Variants in PELI2 observed in about 807,000 individuals in gnomAD.
The protein encoded by PELI2 is E3 ubiquitin-protein ligase pellino homolog 2.
Under a neutral mutation model 42.3 loss-of-function variants are expected in PELI2, and 23 were observed. The observed-to-expected ratio is 0.54, with a 90% CI of 0.39 to 0.77. The LOEUF is 0.77. Among genes scored for constraint, PELI2 ranks in the 30% least tolerant of loss-of-function variants. The pLI is 0.00. For missense variants in PELI2, 463 were observed against 553.2 expected, an observed-to-expected ratio of 0.84 and a Z score of 1.64; for synonymous variants, 245 against 212.2, an observed-to-expected ratio of 1.15 and a Z score of -1.34.
rs142848189 is a variant in PELI2, at chr14:56,296,454, G to A, written c.697-146G>A. On this transcript the variant is annotated intron_variant, in intron 5 of 5. Transcript: ENST00000267460. ...GGAAGATGAGGCTCGGGGAGGATAG[G>A]TTACTCCCCCAGTTCTGTTTTTGTG... The A allele has an allele frequency of 8.2e-6, 5 of 608,772 alleles. No homozygotes were observed. In the East Asian group the frequency reaches 1.1e-4, roughly 13 times the overall value. The allele number at this position is 608,772 out of a possible 1,614,324, so 37.7% of individuals were successfully genotyped here. A position where few individuals can be genotyped will look rare whatever the true frequency, so the allele number is the denominator to read the frequency against.
chr14:56,171,194 C>T (rs1223330599), intron 1 of PELI2, among the ~76,000 whole-genome samples: 3 of 152,176 alleles, frequency 2.0e-5, no homozygotes, highest in African/African-American at 7.2e-5. Flanking sequence ...CCCAATGCAA[C>T]AGTGTTGAGA....
At chr14:56,182,587 G>GA (rs1885626751) in intron 2 of PELI2, among the ~76,000 whole-genome samples, 1 of 152,106 alleles carries the variant, frequency 6.6e-6, no homozygotes, top group Non-Finnish European at 1.5e-5. Flanking sequence ...AAAAGTAACT[G>GA]AAAATCACTT....
intron 2 of PELI2, among the ~76,000 whole-genome samples, chr14:56,228,269 G>A (rs140033938): frequency 6.6e-6 from 1 of 152,274 alleles, no homozygotes; most frequent in Non-Finnish European, 1.5e-5. Flanking sequence ...TCTTGCTGTG[G>A]TTCATCTTTC....
chr14:56,213,985 G>T (rs1385451914), intron 2 of PELI2, among the ~76,000 whole-genome samples: 1 of 152,066 alleles, frequency 6.6e-6, no homozygotes, highest in Non-Finnish European at 1.5e-5. Context: ...TCAAGTAGCT[G>T]GAACTACAGG....
chr14:56,274,149 C>T (rs887115943), intron 2 of PELI2, among the ~76,000 whole-genome samples: 3 of 152,080 alleles, frequency 2.0e-5, no homozygotes, highest in Admixed American at 6.6e-5. Flanking sequence ...GGAGAGCTAG[C>T]GTGGATGTCG....
intron 2 of PELI2, among the ~76,000 whole-genome samples, chr14:56,203,815 A>T (rs1886423427): frequency 6.6e-6 from 1 of 152,148 alleles, no homozygotes; most frequent in African/African-American, 2.4e-5. Flanking sequence ...TATATACAGG[A>T]GGTCTCACCC....
chr14:56,235,689 C>T (rs187787014), intron 2 of PELI2, among the ~76,000 whole-genome samples: 26 of 152,318 alleles, frequency 1.7e-4, no homozygotes, highest in South Asian at 1.2e-3. Context: ...ATGGCAAATC[C>T]GTATCTTTCA....
chr14:56,232,969 CAG>C (rs766326500), intron 2 of PELI2, among the ~76,000 whole-genome samples: 4 of 151,968 alleles, frequency 2.6e-5, no homozygotes, highest in Non-Finnish European at 5.9e-5. Flanking sequence ...ATAAGACAAA[CAG>C]AGAGCCAAAT....
At chr14:56,254,146 A>G (rs530216543) in intron 2 of PELI2, among the ~76,000 whole-genome samples, 1 of 152,302 alleles carries the variant, frequency 6.6e-6, no homozygotes, top group African/African-American at 2.4e-5. Flanking sequence ...CACGCCTGTA[A>G]TCCCAACACT....
intron 2 of PELI2, among the ~76,000 whole-genome samples, chr14:56,259,886 G>A (rs1041622104): frequency 6.6e-6 from 1 of 152,134 alleles, no homozygotes; most frequent in African/African-American, 2.4e-5. Context: ...GATAGCATAT[G>A]AAATACTTAT....
intron 1 of PELI2, among the ~76,000 whole-genome samples, chr14:56,178,006 T>C (rs1885446143): frequency 6.6e-6 from 1 of 152,260 alleles, no homozygotes; most frequent in African/African-American, 2.4e-5. Context: ...ATGGTGCTAG[T>C]TGAATTGAGC....
chr14:56,156,269 G>T (rs1256177014), intron 1 of PELI2, among the ~76,000 whole-genome samples: 1 of 152,064 alleles, frequency 6.6e-6, no homozygotes, highest in African/African-American at 2.4e-5. Context: ...TCCAAAATGT[G>T]TCCCTAGAAA....
intron 2 of PELI2, among the ~76,000 whole-genome samples, chr14:56,200,243 T>A (rs1249998896): frequency 6.6e-6 from 1 of 152,294 alleles, no homozygotes; most frequent in East Asian, 1.9e-4. Context: ...TACAGAGTGC[T>A]TATTCTGTGT....
chr14:56,266,878 A>G lies in PELI2; in HGVS notation c.208-12798A>G, dbSNP rs181378229. ...GCATTAAATAAACCATGCTGCATCT[A>G]TACATTAAAAAGAATGAGACAACAC... On this transcript the variant is annotated intron_variant, in intron 2 of 5. Coordinates refer to ENST00000267460, the MANE Select transcript of PELI2 (RefSeq NM_021255.3). Among the ~76,000 whole-genome samples the G allele has an allele frequency of 2.6e-3, 398 of 152,216 alleles. 1 individual carries two copies. Among genetic ancestry groups the G allele is most frequent in the Non-Finnish European group, 4.5e-3 (304 of 67,918 alleles).
At chr14:56,264,776 T>G (rs920621576) in intron 2 of PELI2, among the ~76,000 whole-genome samples, 3 of 152,206 alleles carry the variant, frequency 2.0e-5, no homozygotes, top group Admixed American at 1.3e-4. Context: ...AACAATTATT[T>G]GATCATTTGA....
At chr14:56,169,650 A>G (rs924768169) in intron 1 of PELI2, among the ~76,000 whole-genome samples, 1 of 152,132 alleles carries the variant, frequency 6.6e-6, no homozygotes, top group Non-Finnish European at 1.5e-5. Flanking sequence ...AAAACCAGGT[A>G]TTATCAGTGC....
At position 56,301,058 on chromosome 14, in the gene PELI2, A is replaced by G. The variant is rs576818427; in HGVS notation, c.*3892A>G. 3.3e-5 allele frequency: 5 copies of G among 152,612 alleles called. No homozygotes were observed. The East Asian group carries it at 9.6e-4, about 29-fold the overall frequency. 9.5% of individuals were successfully genotyped at this position (152,612 alleles called of 1,614,324 possible). ...AAAAATAAACTCAATGAAAGGAAAG[A>G]TGTTTCTTTTTAGCTGAGATGACAG... On this transcript the variant is annotated 3_prime_UTR_variant, in exon 6 of 6. Coordinates refer to ENST00000267460, the MANE Select transcript of PELI2 (RefSeq NM_021255.3).
chr14:56,201,533 G>A (rs1886332053), intron 2 of PELI2, among the ~76,000 whole-genome samples: 1 of 152,084 alleles, frequency 6.6e-6, no homozygotes, highest in South Asian at 2.1e-4. Flanking sequence ...GTTTTTAAGG[G>A]CCTACCACAT....
At chr14:56,255,223 C>G (rs947041565) in intron 2 of PELI2, among the ~76,000 whole-genome samples, 5 of 152,194 alleles carry the variant, frequency 3.3e-5, no homozygotes, top group African/African-American at 1.2e-4. Context: ...ATAGCAAAGA[C>G]TTGGAACCAA....
Sources: gnomAD v4.1 joint callset for allele counts (sites outside exome capture counted in the v4.1 genomes callset) on GRCh38, gnomAD v4.1.1 for gene constraint, MANE v1.5 for transcripts, NCBI Gene and HGNC (gene_info 2026-07-23, HGNC 2026-07-21) for gene names.